Variants in RERG observed in about 807,000 individuals in gnomAD.
RERG encodes ras-related and estrogen-regulated growth inhibitor.
In RERG, 25 loss-of-function variants were observed where a neutral mutation model predicts 23.2. The ratio of observed to expected loss-of-function variants is 1.08; its 90% confidence interval spans 0.79 to 1.50. The LOEUF is 1.50. Ranked by LOEUF, RERG falls within the 40% of genes most tolerant of loss-of-function variation. The pLI, the probability that RERG is intolerant of heterozygous loss-of-function variation, is 0.00. For missense variants in RERG, 253 were observed against 250.1 expected (o/e 1.01, Z -0.08); for synonymous variants, 81 against 89.1 (o/e 0.91, Z 0.51).
At chr12:15,185,480 G>GC (rs1864977590) in intron 2 of RERG, among the ~76,000 whole-genome samples, 1 of 152,040 alleles carries the variant, frequency 6.6e-6, no homozygotes, top group African/African-American at 2.4e-5. Context: ...CTCCTGGAAT[G>GC]CCCCTACCTC....
chr12:15,204,152 T>G (rs1423185031), intron 2 of RERG, among the ~76,000 whole-genome samples: 1 of 151,772 alleles, frequency 6.6e-6, no homozygotes, highest in African/African-American at 2.4e-5. Context: ...GGCATCACAT[T>G]TCCTGATTTC....
intron 2 of RERG, among the ~76,000 whole-genome samples, chr12:15,124,063 G>A (rs1245161063): frequency 6.6e-6 from 1 of 151,984 alleles, no homozygotes; most frequent in African/African-American, 2.4e-5. Flanking sequence ...TGAATTTTAT[G>A]ATTATTAATG....
chr12:15,158,435 C>T (rs975585458), intron 2 of RERG, among the ~76,000 whole-genome samples: 1 of 152,032 alleles, frequency 6.6e-6, no homozygotes, highest in Admixed American at 6.6e-5. Context: ...GCACACATCA[C>T]CACACCTGGC....
chr12:15,211,552 C>A (rs1432195379), intron 2 of RERG, among the ~76,000 whole-genome samples: 1 of 152,062 alleles, frequency 6.6e-6, no homozygotes, highest in African/African-American at 2.4e-5. Flanking sequence ...AAAACCAAGG[C>A]ATTGGTCATA....
intron 3 of RERG, among the ~76,000 whole-genome samples, chr12:15,113,667 C>T (rs983275335): frequency 6.6e-6 from 1 of 151,480 alleles, no homozygotes; most frequent in African/African-American, 2.4e-5. Flanking sequence ...CCATTCAAAA[C>T]CCTCCAAAAA....
intron 2 of RERG, among the ~76,000 whole-genome samples, chr12:15,150,759 A>G (rs779273127): frequency 6.6e-6 from 1 of 152,228 alleles, no homozygotes; most frequent in African/African-American, 2.4e-5. Flanking sequence ...TTGTGTAATG[A>G]GGACCTGTTA....
chr12:15,219,574 A>G (rs976021316), intron 1 of RERG, among the ~76,000 whole-genome samples: 10 of 152,234 alleles, frequency 6.6e-5, no homozygotes, highest in African/African-American at 2.4e-4. Context: ...CTTTAGATGC[A>G]TTCATTAAGA....
chr12:15,204,202 T>G (rs766867085), intron 2 of RERG, among the ~76,000 whole-genome samples: 1 of 151,788 alleles, frequency 6.6e-6, no homozygotes, highest in Non-Finnish European at 1.5e-5. Flanking sequence ...AACAGTATCA[T>G]ATTGGCATAA....
At chr12:15,123,030 C>A (rs945433944) in intron 2 of RERG, among the ~76,000 whole-genome samples, 2 of 152,056 alleles carry the variant, frequency 1.3e-5, no homozygotes, top group African/African-American at 4.8e-5. Context: ...ATCTCCTGAC[C>A]TCGTGATCTG....
intron 1 of RERG, among the ~76,000 whole-genome samples, chr12:15,218,385 G>A (rs912371531): frequency 6.6e-6 from 1 of 152,002 alleles, no homozygotes; most frequent in African/African-American, 2.4e-5. Context: ...TCATGGAAAC[G>A]TAAATTTGGA....
chr12:15,139,014 CTTTTTTTTTTT>C (rs34755371), intron 2 of RERG, among the ~76,000 whole-genome samples: 3 of 51,126 alleles, frequency 5.9e-5, no homozygotes, highest in South Asian at 7.2e-4. Context: ...TGTGTCTAGA[CTTTTTTTTTTT>C]TTTTTTTTTT....
intron 2 of RERG, 34 bp downstream of exon 2, chr12:15,217,389 CCACACA>C: frequency 7.8e-7 from 1 of 1,274,336 alleles, no homozygotes; most frequent in Non-Finnish European, 1.1e-6. Context: ...ACACACTCAC[CCACACA>C]CACACACTAT....
At chr12:15,163,946 G>A (rs1864650528) in intron 2 of RERG, among the ~76,000 whole-genome samples, 1 of 152,064 alleles carries the variant, frequency 6.6e-6, no homozygotes, top group African/African-American at 2.4e-5. Flanking sequence ...GAGAGAGAGA[G>A]AAACATTGTG....
chr12:15,169,922 G>GTA (rs1293532004), intron 2 of RERG, among the ~76,000 whole-genome samples: 4 of 37,416 alleles, frequency 1.1e-4, no homozygotes, highest in Admixed American at 6.9e-4. Context: ...TGCTAAAAAT[G>GTA]TGTGTGTGTG....
At chr12:15,161,621 T>G (rs1864616252) in intron 2 of RERG, among the ~76,000 whole-genome samples, 1 of 152,214 alleles carries the variant, frequency 6.6e-6, no homozygotes, top group Non-Finnish European at 1.5e-5. Context: ...TTCACTTGAT[T>G]GATTATTTAT....
intron 2 of RERG, among the ~76,000 whole-genome samples, chr12:15,176,103 T>A (rs1277703560): frequency 6.6e-6 from 1 of 152,224 alleles, no homozygotes; most frequent in Non-Finnish European, 1.5e-5. Context: ...ATGGCTTTTA[T>A]GGCAGGGCAA....
At chr12:15,116,051 T>C (rs1863714811) in intron 3 of RERG, among the ~76,000 whole-genome samples, 1 of 152,228 alleles carries the variant, frequency 6.6e-6, no homozygotes, top group African/African-American at 2.4e-5. Flanking sequence ...TTCAGAATAT[T>C]CCATCCCCCT....
intron 2 of RERG, among the ~76,000 whole-genome samples, chr12:15,147,158 C>A (rs1410487083): frequency 6.6e-6 from 1 of 151,830 alleles, no homozygotes; most frequent in Non-Finnish European, 1.5e-5. Flanking sequence ...AAAATGAATT[C>A]ACCAACCCCT....
intron 2 of RERG, among the ~76,000 whole-genome samples, chr12:15,172,110 C>T (rs748927520): frequency 6.6e-6 from 1 of 152,076 alleles, no homozygotes; most frequent in Non-Finnish European, 1.5e-5. Flanking sequence ...AAAAGAAACC[C>T]CATATGCATT....
Sources: allele counts gnomAD v4.1 joint callset (sites outside exome capture counted in the v4.1 genomes callset), GRCh38; gene constraint gnomAD v4.1.1; transcripts MANE v1.5; gene names NCBI Gene and HGNC (gene_info 2026-07-23, HGNC 2026-07-21).